The following OPN5 variants were observed in gnomAD, a reference collection of about 807,000 sequenced individuals.
OPN5 encodes the protein opsin 5, also known as opsin-5.
In OPN5, 18 loss-of-function variants were observed where a neutral mutation model predicts 41.7. That is an observed-to-expected ratio of 0.43 (90% CI 0.30 to 0.64). OPN5 has a LOEUF of 0.64. Among genes scored for constraint, OPN5 ranks in the 30% least tolerant of loss-of-function variants. The probability of loss-of-function intolerance (pLI) is 0.13; values close to 1 mark genes in which losing one functional copy is unlikely to be tolerated. For missense variants in OPN5, 318 were observed against 434.5 expected, an observed-to-expected ratio of 0.73 and a Z score of 2.38; for synonymous variants, 178 against 164.3, an observed-to-expected ratio of 1.08 and a Z score of -0.64.
intron 5 of OPN5, among the ~76,000 whole-genome samples, chr6:47,808,961 C>T (rs1011942552): frequency 6.6e-6 from 1 of 152,256 alleles, no homozygotes; most frequent in Non-Finnish European, 1.5e-5. Context: ...AAGTAAGCTG[C>T]CCATGTTTAA....
intron 5 of OPN5, among the ~76,000 whole-genome samples, chr6:47,809,294 A>C (rs543578433): frequency 6.6e-6 from 1 of 152,260 alleles, no homozygotes; most frequent in South Asian, 2.1e-4. Context: ...ATTTCTTAAT[A>C]CTTCTTCCCT....
chr6:47,819,377 G>GAA lies in OPN5; in HGVS notation c.1057-4604_1057-4603dup, dbSNP rs1462932861. ...TAAAAAATATATTACCGTATAAGTA[G>GAA]AAATATATATATATATATATATAAA... On this transcript the variant is annotated intron_variant, in intron 6 of 6. Transcript: ENST00000371211. 1.4e-4 allele frequency among the ~76,000 whole-genome samples: 6 copies of GAA among 41,422 alleles called. 1 individual carries two copies. The highest frequency in any genetic ancestry group is 2.0e-4 in the Non-Finnish European group (4 of 20,020). The allele number at this position is 41,422 out of a possible 152,430, so 27.2% of individuals were successfully genotyped here.
At chr6:47,799,583 T>C (rs1773694434) in intron 4 of OPN5, among the ~76,000 whole-genome samples, 1 of 152,210 alleles carries the variant, frequency 6.6e-6, no homozygotes, top group African/African-American at 2.4e-5. Context: ...TTTAGGCTCA[T>C]CAGCACTGTA....
chr6:47,817,085 T>A (rs1762450455), intron 6 of OPN5, among the ~76,000 whole-genome samples: 1 of 152,092 alleles, frequency 6.6e-6, no homozygotes, highest in African/African-American at 2.4e-5. Flanking sequence ...GAGGAACTGA[T>A]GCTATGAGAC....
chr6:47,808,065 T>A, intron 4 of OPN5, 89 bp from the exon 5 acceptor site: 2 of 1,253,700 alleles, frequency 1.6e-6, no homozygotes, highest in East Asian at 4.6e-5. Context: ...CTGTGAGAGG[T>A]GACCTGATCC....
At chr6:47,798,102 T>C (rs1446102342) in intron 4 of OPN5, among the ~76,000 whole-genome samples, 1 of 152,156 alleles carries the variant, frequency 6.6e-6, no homozygotes, top group Admixed American at 6.6e-5. Flanking sequence ...AATTTTGTTA[T>C]GTATATTCTT....
rs1304566024 is a variant in OPN5, at chr6:47,799,428, C to T, written c.756+3865C>T. ...AAGTTTCAGGAAGGTTTTCACAATG[C>T]CAGTGCTAATGGGTTGGGGACTCTT... On this transcript the variant is annotated intron_variant, in intron 4 of 6. Coordinates refer to ENST00000371211, the Ensembl canonical transcript of OPN5. Among the ~76,000 whole-genome samples the T allele has an allele frequency of 2.0e-5, 3 of 152,224 alleles. No homozygotes were observed. The East Asian group carries it at 5.8e-4, about 29-fold the overall frequency.
chr6:47,815,981 C>T (rs1401815317), intron 6 of OPN5, among the ~76,000 whole-genome samples: 1 of 152,136 alleles, frequency 6.6e-6, no homozygotes. Context: ...CCCTCACATG[C>T]ACCACGAGGT....
intron 6 of OPN5, among the ~76,000 whole-genome samples, chr6:47,821,355 A>T (rs751508299): frequency 4.6e-5 from 7 of 152,184 alleles, no homozygotes; most frequent in Non-Finnish European, 8.8e-5. Context: ...GTGGGAGGGG[A>T]TGGAACCCAA....
chr6:47,786,457 A>G (rs1773193780), intron 1 of OPN5, 58 bp from the exon 2 acceptor site: 2 of 1,501,080 alleles, frequency 1.3e-6, no homozygotes, highest in South Asian at 1.2e-5. Context: ...AGTGTTTCAT[A>G]TCTGAGTGAA....
chr6:47,817,179 T>G (rs1762454445), intron 6 of OPN5, among the ~76,000 whole-genome samples: 1 of 152,056 alleles, frequency 6.6e-6, no homozygotes, highest in African/African-American at 2.4e-5. Context: ...GGAGTCATCA[T>G]GGAGACATAC....
At chr6:47,801,181 G>C (rs1561897019) in intron 4 of OPN5, among the ~76,000 whole-genome samples, 1 of 152,180 alleles carries the variant, frequency 6.6e-6, no homozygotes, top group Admixed American at 6.5e-5. Flanking sequence ...GGAAAATGCT[G>C]TGGGTCCTGT....
At chr6:47,817,055 C>T (rs1332207029) in intron 6 of OPN5, among the ~76,000 whole-genome samples, 2 of 151,984 alleles carry the variant, frequency 1.3e-5, no homozygotes, top group African/African-American at 4.8e-5. Flanking sequence ...GGTAGCTCTG[C>T]CACAGGAAAC....
intron 4 of OPN5, among the ~76,000 whole-genome samples, chr6:47,807,786 A>T (rs1218179897): frequency 6.6e-6 from 1 of 152,030 alleles, no homozygotes; most frequent in Non-Finnish European, 1.5e-5. Flanking sequence ...ATCAAGGTGA[A>T]TATATTTTCC....
chr6:47,791,724 G>A, intron 2 of OPN5, 78 bp from the exon 3 acceptor site: 1 of 1,226,992 alleles, frequency 8.2e-7, no homozygotes, highest in Non-Finnish European at 1.2e-6. Context: ...CTTTAGGGGA[G>A]GAGGTTCAGG....
chr6:47,784,435 T>A (rs1214158023), intron 1 of OPN5, among the ~76,000 whole-genome samples: 2 of 152,170 alleles, frequency 1.3e-5, no homozygotes, highest in African/African-American at 4.8e-5. Flanking sequence ...TAGCTGGGGC[T>A]ACAGGTGTGC....
At chr6:47,783,898 C>T (rs1473651986) in intron 1 of OPN5, among the ~76,000 whole-genome samples, 2 of 152,190 alleles carry the variant, frequency 1.3e-5, no homozygotes, top group Non-Finnish European at 2.9e-5. Flanking sequence ...ACATCAATAA[C>T]CTGACAAATC....
intron 6 of OPN5, among the ~76,000 whole-genome samples, chr6:47,822,602 T>C (rs541244711): frequency 6.6e-6 from 1 of 152,168 alleles, no homozygotes; most frequent in Non-Finnish European, 1.5e-5. Flanking sequence ...TGGTTGGAAT[T>C]TGTATTTCTT....
intron 1 of OPN5, among the ~76,000 whole-genome samples, chr6:47,784,307 T>TC (rs1404650700): frequency 6.6e-6 from 1 of 150,606 alleles, no homozygotes; most frequent in Admixed American, 6.6e-5. Context: ...AGATTCCTTT[T>TC]TTTTTTGGAC....
Sources: allele counts gnomAD v4.1 joint callset (sites outside exome capture counted in the v4.1 genomes callset), GRCh38; gene constraint gnomAD v4.1.1; transcripts MANE v1.5; gene names NCBI Gene and HGNC (gene_info 2026-07-23, HGNC 2026-07-21).